The following GRIP1 variants were observed in gnomAD, a reference collection of about 807,000 sequenced individuals.
GRIP1 encodes the protein glutamate receptor-interacting protein 1.
GRIP1 carries 45 observed loss-of-function variants against 129.9 expected under a neutral mutation model. That is an observed-to-expected ratio of 0.35 (90% CI 0.27 to 0.44). The LOEUF is 0.44. GRIP1 is among the 20% of genes least tolerant of loss of function. GRIP1 has a pLI of 1.00. For synonymous variants in GRIP1, 530 were observed against 520.8 expected (o/e 1.02, Z -0.24); for missense variants, 1,196 against 1,396.8 (o/e 0.86, Z 2.29).
chr12:66,877,249 G>A (rs2040399509), intron 1 of GRIP1, among the ~76,000 whole-genome samples: 2 of 152,034 alleles, frequency 1.3e-5, no homozygotes, highest in Admixed American at 6.6e-5. Context: ...TTCCAAAGAA[G>A]TCATGCTTTA....
At chr12:66,850,015 G>C (rs2039882939) in intron 1 of GRIP1, among the ~76,000 whole-genome samples, 1 of 152,128 alleles carries the variant, frequency 6.6e-6, no homozygotes, top group Non-Finnish European at 1.5e-5. Context: ...TATCGGTCCA[G>C]AAAATATTCT....
intron 1 of GRIP1, among the ~76,000 whole-genome samples, chr12:66,995,855 A>G (rs550545791): frequency 6.6e-6 from 1 of 152,334 alleles, no homozygotes; most frequent in Non-Finnish European, 1.5e-5. Context: ...ACATATGTCC[A>G]CATAAAATCT....
chr12:66,422,076 T>A (rs1565722421), intron 14 of GRIP1, among the ~76,000 whole-genome samples: 1 of 152,192 alleles, frequency 6.6e-6, no homozygotes, highest in Non-Finnish European at 1.5e-5. Context: ...TAAAGTAAGA[T>A]TTTATTATAA....
intron 1 of GRIP1, among the ~76,000 whole-genome samples, chr12:67,068,297 A>G (rs1189769450): frequency 1.3e-5 from 2 of 152,190 alleles, no homozygotes; most frequent in African/African-American, 4.8e-5. Context: ...CTGAAGCACA[A>G]AAGGGCTGCA....
At chr12:66,851,749 T>C (rs1201752283) in intron 1 of GRIP1, among the ~76,000 whole-genome samples, 1 of 152,130 alleles carries the variant, frequency 6.6e-6, no homozygotes, top group Non-Finnish European at 1.5e-5. Flanking sequence ...CCTCTGATAG[T>C]GTATGGCTAA....
intron 15 of GRIP1, among the ~76,000 whole-genome samples, chr12:66,410,187 T>A (rs1159152438): frequency 8.1e-6 from 1 of 123,730 alleles, no homozygotes; most frequent in African/African-American, 3.0e-5. Context: ...GAGGCGGAGC[T>A]TGCAGTGAGC....
chr12:66,640,903 G>A (rs1008949372), intron 1 of GRIP1, among the ~76,000 whole-genome samples: 1 of 152,150 alleles, frequency 6.6e-6, no homozygotes, highest in Non-Finnish European at 1.5e-5. Flanking sequence ...CCCACTGGGG[G>A]AAAATTCCTT....
Position 66,736,282 on chromosome 12 carries a change from C to T in GRIP1, c.-420+67771G>A, listed in dbSNP as rs1047553644. The stretch of plus-strand genomic sequence containing the variant: ...GTAACCTCCAACTCCTGGGCTCCAG[C>T]AATCCTCTTACCTCAACCTCCCAAG... On this transcript the variant is annotated intron_variant, in intron 1 of 4. Coordinates refer to the GRIP1 transcript ENST00000538373. 3.3e-5 allele frequency among the ~76,000 whole-genome samples: 5 copies of T among 149,362 alleles called. No individual in the cohort carries two copies. In the South Asian group the frequency reaches 1.1e-3, roughly 32 times the overall value.
intron 1 of GRIP1, among the ~76,000 whole-genome samples, chr12:66,661,677 T>C (rs554664954): frequency 9.2e-5 from 14 of 152,210 alleles, no homozygotes; most frequent in African/African-American, 3.1e-4. Context: ...GATCAGATAA[T>C]TCATACATTT....
In GRIP1 at chr12:66,451,453, G is replaced by C. The variant is rs948569283; in HGVS notation, c.1354+3956C>G. ...GGCTCTCACTCTGTTGCCCAGGCTG[G>C]AGCATAGTGGCAGAATCTTGGCTCA... On this transcript the variant is annotated intron_variant, in intron 11 of 24. Transcript: ENST00000359742. Among the ~76,000 whole-genome samples the C allele has an allele frequency of 2.7e-4, 33 of 122,482 alleles. 1 individual carries two copies. The Admixed American group carries it at 3.3e-3, about 12-fold the overall frequency. The allele number at this position is 122,482 out of a possible 152,430, so 80.4% of individuals were successfully genotyped here.
At position 67,048,689 on chromosome 12, in the gene GRIP1, A is replaced by G. The variant is rs368928525; in HGVS notation, c.58+20361T>C. Among the ~76,000 whole-genome samples the G allele has an allele frequency of 1.4e-3, 216 of 152,252 alleles. 1 individual carries two copies. The South Asian group carries it at 0.018, about 13-fold the overall frequency. On this transcript the variant is annotated intron_variant, in intron 1 of 1. Coordinates refer to the GRIP1 transcript ENST00000643019. ...TCCCATGTGTCATGGGAGAAACCCG[A>G]AGGCAGGTAATTGAATCATGGGGGT...
At chr12:66,379,486 A>G (rs774615805) in intron 19 of GRIP1, 50 bp from the exon 20 acceptor site, 15 of 1,573,262 alleles carry the variant, frequency 9.5e-6, no homozygotes, top group Non-Finnish European at 1.3e-5. Flanking sequence ...TACTTAATCC[A>G]TTGAGAAATG....
At chr12:66,876,246 T>A (rs533886851) in intron 1 of GRIP1, among the ~76,000 whole-genome samples, 1 of 152,172 alleles carries the variant, frequency 6.6e-6, no homozygotes, top group Non-Finnish European at 1.5e-5. Context: ...TTATCTCCAG[T>A]ATAATTCTTT....
At chr12:66,561,855 A>G (rs1289341377) in intron 2 of GRIP1, among the ~76,000 whole-genome samples, 2 of 152,086 alleles carry the variant, frequency 1.3e-5, no homozygotes, top group Admixed American at 1.3e-4. Flanking sequence ...GTAATTTGGG[A>G]GGCTGAGGTG....
In GRIP1 at chr12:66,465,425, G is replaced by A; in HGVS notation, c.725-3C>T. ...CCCGGATGCTGTTGCCACAGAGTCT[G>A]TCAAAGAACAAATTTTAGAAAACAA... On this transcript the variant is annotated splice_polypyrimidine_tract_variant and splice_region_variant and intron_variant, in intron 7 of 24. Transcript: ENST00000359742. 1.9e-6 allele frequency: 3 copies of A among 1,612,620 alleles called. No homozygotes were observed. Among genetic ancestry groups the A allele is most frequent in the Non-Finnish European group, 2.5e-6 (3 of 1,178,676 alleles).
chr12:66,865,227 C>T (rs766340953), intron 1 of GRIP1, among the ~76,000 whole-genome samples: 4 of 152,104 alleles, frequency 2.6e-5, no homozygotes, highest in Non-Finnish European at 5.9e-5. Context: ...GTTGATTCTA[C>T]CTCTATTTTT....
intron 15 of GRIP1, among the ~76,000 whole-genome samples, chr12:66,408,666 A>G (rs1398876295): frequency 4.6e-5 from 7 of 151,904 alleles, no homozygotes; most frequent in Admixed American, 4.6e-4. Context: ...AGTAAAAAGG[A>G]CTTTATCTTG....
intron 2 of GRIP1, among the ~76,000 whole-genome samples, chr12:66,556,679 G>T (rs888338996): frequency 6.6e-6 from 1 of 151,682 alleles, no homozygotes; most frequent in African/African-American, 2.4e-5. Flanking sequence ...AAAGCAGGGG[G>T]ACAAGTTGAA....
At chr12:66,350,646 T>G (rs951669805) in intron 24 of GRIP1, among the ~76,000 whole-genome samples, 7 of 151,968 alleles carry the variant, frequency 4.6e-5, no homozygotes, top group African/African-American at 7.3e-5. Context: ...CTCTAATATC[T>G]CTCCTCACCA....
Sources: gnomAD v4.1 joint callset for allele counts (sites outside exome capture counted in the v4.1 genomes callset) on GRCh38, gnomAD v4.1.1 for gene constraint, MANE v1.5 for transcripts, NCBI Gene and HGNC (gene_info 2026-07-23, HGNC 2026-07-21) for gene names.